Variants in PAQR8 observed in about 807,000 individuals in gnomAD.
PAQR8 encodes membrane progestin receptor beta.
In PAQR8, 17 loss-of-function variants were observed where a neutral mutation model predicts 25.2. The observed-to-expected ratio is 0.67, with a 90% CI of 0.46 to 1.01. The LOEUF (loss-of-function observed/expected upper bound fraction) is 1.01, where lower values mean the gene tolerates loss of function less well. Among genes scored for constraint, PAQR8 ranks in the 50% least tolerant of loss-of-function variants. The probability of loss-of-function intolerance (pLI) is 0.00; values close to 1 mark genes in which losing one functional copy is unlikely to be tolerated. For missense variants in PAQR8, 392 were observed against 448.4 expected (o/e 0.87, Z 1.14); for synonymous variants, 204 against 190.6 (o/e 1.07, Z -0.58).
intron 1 of PAQR8, among the ~76,000 whole-genome samples, chr6:52,395,991 G>A (rs1358402574): frequency 6.6e-6 from 1 of 152,194 alleles, no homozygotes; most frequent in Admixed American, 6.5e-5. Flanking sequence ...AGAAGAGAAA[G>A]AAATTGGTGC....
intron 1 of PAQR8, among the ~76,000 whole-genome samples, chr6:52,393,652 T>C (rs1177902799): frequency 6.6e-6 from 1 of 152,198 alleles, no homozygotes; most frequent in East Asian, 1.9e-4. Flanking sequence ...TTTCCATTCA[T>C]TCATTCATTC....
intron 1 of PAQR8, among the ~76,000 whole-genome samples, chr6:52,374,087 T>C (rs907393475): frequency 5.3e-5 from 8 of 152,208 alleles, no homozygotes; most frequent in African/African-American, 1.9e-4. Context: ...TGCTCCCCCT[T>C]TGCCTTCTGC....
Position 52,403,508 on chromosome 6 carries a change from G to T in PAQR8, c.295G>T (p.Ala99Ser). 1.2e-6 allele frequency: 2 copies of T among 1,614,028 alleles called. No homozygotes were observed. The highest frequency in any genetic ancestry group is 1.7e-6 in the Non-Finnish European group (2 of 1,180,036). The change falls in exon 2 of 2, where the codon GCT becomes TCT. Residue 99 changes from alanine to serine, a missense_variant. By Grantham distance (99) the Ala-to-Ser change is moderately conservative. Transcript: ENST00000442253. Reference sequence around the variant, plus strand: ...CTTGCGATTCTGGGCCTTTGCCGAGGCTGAGGCCTTGCCATGGGCGTCTAC... The same window carrying T: ...CTTGCGATTCTGGGCCTTTGCCGAGTCTGAGGCCTTGCCATGGGCGTCTAC... ...VLLRFWAFAE[A>S]EALPWASTHS...
chr6:52,396,633 G>A (rs1048493231), intron 1 of PAQR8, among the ~76,000 whole-genome samples: 1 of 152,166 alleles, frequency 6.6e-6, no homozygotes, highest in South Asian at 2.1e-4. Flanking sequence ...CATTATTGAT[G>A]ATGAAAGGTC....
At chr6:52,381,347 CCTGTAGGCCCTATA>C (rs1763557767) in intron 1 of PAQR8, among the ~76,000 whole-genome samples, 1 of 152,220 alleles carries the variant, frequency 6.6e-6, no homozygotes. Flanking sequence ...GTGGCTCGGG[CCTGTAGGCCCTATA>C]CTTTGGGAGG....
intron 1 of PAQR8, among the ~76,000 whole-genome samples, chr6:52,390,199 A>T (rs1051389225): frequency 3.3e-5 from 5 of 152,228 alleles, no homozygotes; most frequent in Non-Finnish European, 7.3e-5. Flanking sequence ...TATTTATTCC[A>T]TGTGGCAGAT....
intron 1 of PAQR8, among the ~76,000 whole-genome samples, chr6:52,369,277 C>T (rs188367965): frequency 5.4e-4 from 82 of 152,208 alleles, no homozygotes; most frequent in African/African-American, 1.9e-3. Context: ...CCCTCAGTTC[C>T]TAGGGCTGTA....
chr6:52,387,555 A>G (rs956888256), intron 1 of PAQR8, among the ~76,000 whole-genome samples: 3 of 152,276 alleles, frequency 2.0e-5, no homozygotes, highest in African/African-American at 7.2e-5. Flanking sequence ...ACAATTTAAT[A>G]TAAAGGAAGA....
At chr6:52,365,465 G>A (rs1763341048) in intron 1 of PAQR8, among the ~76,000 whole-genome samples, 1 of 152,128 alleles carries the variant, frequency 6.6e-6, no homozygotes, top group Non-Finnish European at 1.5e-5. Flanking sequence ...GTACCTCATG[G>A]GGCTGTGATG....
chr6:52,382,862 A>G (rs1763578190), intron 1 of PAQR8, among the ~76,000 whole-genome samples: 1 of 152,108 alleles, frequency 6.6e-6, no homozygotes, highest in East Asian at 1.9e-4. Context: ...TGTCACTATC[A>G]TGGCTCACTG....
At position 52,406,312 on chromosome 6, in the gene PAQR8, G is replaced by A. The variant is rs1763908530; in HGVS notation, c.*2034G>A. 4.9e-6 allele frequency: 2 copies of A among 409,682 alleles called. No homozygotes were observed. Among genetic ancestry groups the A allele is most frequent in the African/African-American group, 4.1e-5 (2 of 48,682 alleles). The allele number at this position is 409,682 out of a possible 1,614,324, so 25.4% of individuals were successfully genotyped here. On this transcript the variant is annotated 3_prime_UTR_variant, in exon 2 of 2. Transcript: ENST00000442253. ...GAGAAGGGAGGGAAGAGAGCAGAAG[G>A]GAAGAAGGTGTAAGTCAAGCTCTTG...
intron 1 of PAQR8, among the ~76,000 whole-genome samples, chr6:52,382,061 G>A (rs1242832370): frequency 2.0e-5 from 3 of 152,186 alleles, no homozygotes; most frequent in Non-Finnish European, 4.4e-5. Flanking sequence ...CTGTGCTAGG[G>A]TCTAAGCAGG....
chr6:52,378,887 A>G (rs886599489), intron 1 of PAQR8, among the ~76,000 whole-genome samples: 1 of 152,022 alleles, frequency 6.6e-6, no homozygotes, highest in Admixed American at 6.6e-5. Flanking sequence ...ACCTGAGGTC[A>G]GGAGTTCGAG....
chr6:52,397,591 C>T (rs1763781529), intron 1 of PAQR8, among the ~76,000 whole-genome samples: 1 of 152,146 alleles, frequency 6.6e-6, no homozygotes, highest in African/African-American at 2.4e-5. Context: ...CCTTTGTAGC[C>T]TGGAATAGTG....
intron 1 of PAQR8, among the ~76,000 whole-genome samples, chr6:52,401,923 A>G (rs776346456): frequency 6.6e-5 from 10 of 152,238 alleles, no homozygotes; most frequent in Non-Finnish European, 1.5e-4. Flanking sequence ...ATATCGAGAA[A>G]AGCCCATATC....
At chr6:52,399,099 C>A (rs1240767805) in intron 1 of PAQR8, among the ~76,000 whole-genome samples, 1 of 152,188 alleles carries the variant, frequency 6.6e-6, no homozygotes, top group African/African-American at 2.4e-5. Flanking sequence ...CAATTTCTCT[C>A]CCCTTGTGCA....
Position 52,403,915 on chromosome 6 carries a change from C to G in PAQR8, c.702C>G (p.Leu234=). ...DISPVAHRVA[L]CHLAGCQEQA... ...GCCCTGTGGCACACCGTGTGGCGCT[C>G]TGTCACCTGGCTGGCTGCCAGGAGC... The change falls in exon 2 of 2, where the codon CTC becomes CTG. Residue 234 remains leucine (L), a synonymous_variant. Coordinates refer to ENST00000442253, the MANE Select transcript of PAQR8 (RefSeq NM_133367.5). The G allele has an allele frequency of 6.2e-7, 1 of 1,614,246 alleles. No homozygotes were observed.
chr6:52,387,922 T>C (rs1422377898), intron 1 of PAQR8, among the ~76,000 whole-genome samples: 2 of 152,210 alleles, frequency 1.3e-5, no homozygotes, highest in Non-Finnish European at 2.9e-5. Context: ...AGGATCTAGG[T>C]TGTACTCTCC....
chr6:52,403,762 T>A lies in PAQR8; in HGVS notation c.549T>A (p.Ala183=). Residue 183 remains alanine (A), a synonymous_variant, in exon 2 of 2, where the codon GCT becomes GCA. Coordinates refer to ENST00000442253, the MANE Select transcript of PAQR8 (RefSeq NM_133367.5). The part of the protein sequence containing the change: ...DRFWLFFLPA[A]AFCGWLSCAG... Reference sequence around the variant, plus strand: ...TCTGGCTTTTCTTCTTGCCAGCAGCTGCCTTCTGTGGCTGGTTATCTTGTG... The same window carrying A: ...TCTGGCTTTTCTTCTTGCCAGCAGCAGCCTTCTGTGGCTGGTTATCTTGTG... 1 of 1,614,272 alleles carries A rather than the reference T, an allele frequency of 6.2e-7. No individual in the cohort carries two copies. Among genetic ancestry groups the A allele is most frequent in the East Asian group, 2.2e-5 (1 of 44,890 alleles).
Sources: allele counts gnomAD v4.1 joint callset (sites outside exome capture counted in the v4.1 genomes callset), GRCh38; gene constraint gnomAD v4.1.1; transcripts MANE v1.5; gene names NCBI Gene and HGNC (gene_info 2026-07-23, HGNC 2026-07-21).